HECW2: variants seen among roughly 807,000 people sequenced by gnomAD.
HECW2 encodes HECT, C2 and WW domain containing E3 ubiquitin protein ligase 2, also known as E3 ubiquitin-protein ligase HECW2.
Under a neutral mutation model 175.2 loss-of-function variants are expected in HECW2, and 61 were observed. The observed-to-expected ratio is 0.35, with a 90% CI of 0.28 to 0.43. The LOEUF is 0.43. Among genes scored for constraint, HECW2 ranks in the 20% least tolerant of loss-of-function variants. The pLI, the probability that HECW2 is intolerant of heterozygous loss-of-function variation, is 1.00. For missense variants in HECW2, 1,524 were observed against 2,000.5 expected (o/e 0.76, Z 4.54); for synonymous variants, 671 against 731.0 (o/e 0.92, Z 1.32).
chr2:196,552,620 A>C (rs960018776), intron 1 of HECW2, among the ~76,000 whole-genome samples: 1 of 152,210 alleles, frequency 6.6e-6, no homozygotes, highest in African/African-American at 2.4e-5. Context: ...TCACATAATC[A>C]CCTTGAGAGG....
intron 1 of HECW2, among the ~76,000 whole-genome samples, chr2:196,485,135 A>G (rs1255653366): frequency 2.0e-5 from 3 of 152,202 alleles, no homozygotes; most frequent in Non-Finnish European, 4.4e-5. Context: ...TGGGATCACA[A>G]GAGAAAGAGC....
intron 1 of HECW2, among the ~76,000 whole-genome samples, chr2:196,567,872 G>A (rs534706057): frequency 6.6e-6 from 1 of 152,170 alleles, no homozygotes; most frequent in South Asian, 2.1e-4. Context: ...TCACATTTTG[G>A]AAATTAAGAA....
At chr2:196,430,387 T>C (rs925802266) in intron 2 of HECW2, among the ~76,000 whole-genome samples, 63 of 151,754 alleles carry the variant, frequency 4.2e-4, no homozygotes, top group African/African-American at 1.1e-3. Flanking sequence ...CAAAAAGTGC[T>C]AGCTATGCAA....
At chr2:196,424,028 T>C (rs1695476303) in intron 2 of HECW2, among the ~76,000 whole-genome samples, 1 of 152,072 alleles carries the variant, frequency 6.6e-6, no homozygotes, top group Non-Finnish European at 1.5e-5. Context: ...AGTCTGTTGG[T>C]GCCATTTCTT....
chr2:196,535,508 C>T (rs1481893940), intron 1 of HECW2, among the ~76,000 whole-genome samples: 1 of 152,142 alleles, frequency 6.6e-6, no homozygotes, highest in Non-Finnish European at 1.5e-5. Flanking sequence ...AATTATAAGG[C>T]AATTTAATTA....
rs1018410797 is a variant in HECW2 at position 196,256,592 on chromosome 2, A to C, written c.3419+1231T>G. Among the ~76,000 whole-genome samples the C allele has an allele frequency of 3.3e-5, 5 of 152,256 alleles. No individual in the cohort carries two copies. In the East Asian group the frequency reaches 7.7e-4, roughly 23 times the overall value. The stretch of plus-strand genomic sequence containing the variant: ...ATTCCCAAAGCAGAATTCTTAGTTT[A>C]AAAGAAAAAAACCTTAGCTTTCTAT... On this transcript the variant is annotated intron_variant, in intron 18 of 28. Coordinates refer to ENST00000644978, the MANE Select transcript of HECW2 (RefSeq NM_001348768.2).
At chr2:196,488,558 G>A (rs1361211181) in intron 1 of HECW2, among the ~76,000 whole-genome samples, 4 of 151,704 alleles carry the variant, frequency 2.6e-5, no homozygotes, top group African/African-American at 9.7e-5. Context: ...ACTATATCTT[G>A]TTAAAATAAT....
intron 1 of HECW2, among the ~76,000 whole-genome samples, chr2:196,519,975 T>A (rs11676553): frequency 1.3e-3 from 201 of 152,324 alleles, no homozygotes; most frequent in Admixed American, 2.4e-3. Context: ...TAAGTTTTCA[T>A]TAGTGAAATT....
intron 28 of HECW2, among the ~76,000 whole-genome samples, chr2:196,215,422 T>C (rs921463014): frequency 4.6e-5 from 7 of 152,202 alleles, no homozygotes; most frequent in African/African-American, 1.7e-4. Flanking sequence ...GCAGAGAGCA[T>C]GGAATTAAGA....
intron 1 of HECW2, among the ~76,000 whole-genome samples, chr2:196,454,096 T>C (rs945494207): frequency 6.6e-6 from 1 of 152,154 alleles, no homozygotes; most frequent in African/African-American, 2.4e-5. Context: ...CTGCAACTTC[T>C]GCCTCCCAGG....
At chr2:196,558,090 CA>C (rs1367789715) in intron 1 of HECW2, among the ~76,000 whole-genome samples, 1 of 152,140 alleles carries the variant, frequency 6.6e-6, no homozygotes, top group East Asian at 1.9e-4. Flanking sequence ...AAAGATGAAT[CA>C]ATGTAATTTA....
At chr2:196,329,333 T>C (rs1348313766) in intron 5 of HECW2, among the ~76,000 whole-genome samples, 1 of 152,298 alleles carries the variant, frequency 6.6e-6, no homozygotes, top group Non-Finnish European at 1.5e-5. Context: ...TTGAAGTAAC[T>C]ATACATAGTT....
rs749771760 is a variant in HECW2, at chr2:196,433,333, G to A, written c.91C>T (p.Leu31Phe). The change falls in exon 2 of 29, where the codon CTT becomes TTT. Residue 31 changes from leucine (L) to phenylalanine (F), a missense_variant. Leu to Phe is a conservative substitution (Grantham distance 22). Transcript: ENST00000644978. ...YTLSPENLQS[L>F]AAQSSMPENM... ...TCTGGCATGGAGCTCTGGGCGGCAAGGCTCTGGAGGTTCTCTGGGCTCAAT... is the reference window on the plus strand; with the variant it reads ...TCTGGCATGGAGCTCTGGGCGGCAAAGCTCTGGAGGTTCTCTGGGCTCAAT... 6.2e-7 allele frequency: 1 copy of A among 1,614,168 alleles called. No homozygotes were observed. Among genetic ancestry groups the A allele is most frequent in the Non-Finnish European group, 8.5e-7 (1 of 1,180,010 alleles).
intron 3 of HECW2, among the ~76,000 whole-genome samples, chr2:196,336,256 A>G (rs1190127200): frequency 6.6e-6 from 1 of 152,238 alleles, no homozygotes; most frequent in Non-Finnish European, 1.5e-5. Flanking sequence ...CTGAAATAGT[A>G]GTAGCTGGAC....
intron 2 of HECW2, among the ~76,000 whole-genome samples, chr2:196,348,780 G>A (rs1364049716): frequency 6.6e-6 from 1 of 152,178 alleles, no homozygotes; most frequent in Non-Finnish European, 1.5e-5. Context: ...ACAAATCATA[G>A]AATGCCACTG....
chr2:196,333,522 C>G (rs1451864895), intron 4 of HECW2, among the ~76,000 whole-genome samples: 2 of 152,148 alleles, frequency 1.3e-5, no homozygotes, highest in African/African-American at 4.8e-5. Context: ...TACACATACA[C>G]CCACACATAC....
chr2:196,255,055 C>T (rs192553929), intron 18 of HECW2, among the ~76,000 whole-genome samples: 2 of 150,692 alleles, frequency 1.3e-5, no homozygotes, highest in East Asian at 1.9e-4. Context: ...TCACTGCAAC[C>T]TCTGCTTCCT....
At chr2:196,562,998 G>A (rs1340991294) in intron 1 of HECW2, among the ~76,000 whole-genome samples, 2 of 152,032 alleles carry the variant, frequency 1.3e-5, no homozygotes, top group Non-Finnish European at 2.9e-5. Context: ...AGCCATGAAC[G>A]CACAATGTAC....
intron 14 of HECW2, among the ~76,000 whole-genome samples, chr2:196,286,884 T>A (rs1168551107): frequency 6.6e-6 from 1 of 152,232 alleles, no homozygotes; most frequent in Admixed American, 6.5e-5. Flanking sequence ...GAAATTATAA[T>A]AAGTTGTGGC....
Sources: gnomAD v4.1 joint callset for allele counts (sites outside exome capture counted in the v4.1 genomes callset) on GRCh38, gnomAD v4.1.1 for gene constraint, MANE v1.5 for transcripts, NCBI Gene and HGNC (gene_info 2026-07-23, HGNC 2026-07-21) for gene names.